USP33: variants seen among roughly 807,000 people sequenced by gnomAD.
The protein encoded by USP33 is ubiquitin carboxyl-terminal hydrolase 33.
Under a neutral mutation model 124.2 loss-of-function variants are expected in USP33, and 46 were observed. The observed-to-expected ratio is 0.37, with a 90% CI of 0.29 to 0.47. The LOEUF is 0.47. Among genes scored for constraint, USP33 ranks in the 20% least tolerant of loss-of-function variants. USP33 has a pLI of 0.99. For missense variants in USP33, 851 were observed against 1,070.6 expected (o/e 0.79, Z 2.86); for synonymous variants, 350 against 352.3 (o/e 0.99, Z 0.07).
intron 7 of USP33, among the ~76,000 whole-genome samples, chr1:77,733,350 G>A (rs1407572280): frequency 6.6e-6 from 1 of 150,978 alleles, no homozygotes; most frequent in Non-Finnish European, 1.5e-5. Context: ...CCAAAATCGT[G>A]CCACTGCACT....
At chr1:77,743,752 G>GA (rs1277019875) in intron 1 of USP33, among the ~76,000 whole-genome samples, 1 of 152,138 alleles carries the variant, frequency 6.6e-6, no homozygotes. Flanking sequence ...CATAATAGAG[G>GA]AAATAATGCA....
chr1:77,701,308 T>C, intron 22 of USP33, 61 bp downstream of exon 22: 1 of 1,219,130 alleles, frequency 8.2e-7, no homozygotes, highest in Non-Finnish European at 1.2e-6. Context: ...ATTCAAGAAA[T>C]ACTTGTCAAA....
At chr1:77,730,549 C>G in intron 8 of USP33, 69 bp downstream of exon 8, 1 of 1,206,616 alleles carries the variant, frequency 8.3e-7, no homozygotes, top group South Asian at 2.2e-5. Flanking sequence ...AATGGACCTG[C>G]AACCTTTAAA....
At chr1:77,719,750 G>A (rs1676339488) in intron 15 of USP33, among the ~76,000 whole-genome samples, 1 of 151,616 alleles carries the variant, frequency 6.6e-6, no homozygotes, top group Non-Finnish European at 1.5e-5. Context: ...CTACTCAAGA[G>A]GCTGAGGCAG....
chr1:77,719,942 A>G (rs1179995277), intron 15 of USP33, among the ~76,000 whole-genome samples: 1 of 151,860 alleles, frequency 6.6e-6, no homozygotes, highest in African/African-American at 2.4e-5. Flanking sequence ...TTGGCAAATC[A>G]TGCAAGCCAA....
chr1:77,703,992 A>G (rs1221665655), intron 21 of USP33, among the ~76,000 whole-genome samples: 1 of 152,110 alleles, frequency 6.6e-6, no homozygotes, highest in African/African-American at 2.4e-5. Context: ...ACACGCCTAT[A>G]GTCTCAGCTA....
chr1:77,720,794 A>G (rs1281042698), intron 15 of USP33, among the ~76,000 whole-genome samples: 2 of 152,256 alleles, frequency 1.3e-5, no homozygotes, highest in Non-Finnish European at 1.5e-5. Flanking sequence ...TTAACAGCAG[A>G]TAACATCGAA....
At chr1:77,733,171 A>T (rs1265316083) in intron 7 of USP33, among the ~76,000 whole-genome samples, 1 of 152,132 alleles carries the variant, frequency 6.6e-6, no homozygotes, top group East Asian at 1.9e-4. Flanking sequence ...AGGCATGCGA[A>T]TCACTTGAAC....
At chr1:77,713,557 CTT>C (rs1192112747) in intron 19 of USP33, 2,067 of 144,862 alleles carry the variant, frequency 0.014, no homozygotes, top group South Asian at 0.031. Context: ...GCTAACTTTT[CTT>C]TTTTTTTTTT....
chr1:77,731,414 G>GA (rs1248723305), intron 7 of USP33, among the ~76,000 whole-genome samples: 1 of 152,148 alleles, frequency 6.6e-6, no homozygotes, highest in Non-Finnish European at 1.5e-5. Flanking sequence ...TAGCTTGAGG[G>GA]AATCTCCATA....
rs576826866 is a variant in USP33, at chr1:77,755,329, C to T, written c.-52+4314G>A. On this transcript the variant is annotated intron_variant, in intron 1 of 23. Coordinates refer to ENST00000370794, the MANE Select transcript of USP33 (RefSeq NM_201624.3). ...AAATTATCAATTCTTTTATTGTTTA[C>T]CAGACTATAATATTGATTTTAAAAC... is the stretch of plus-strand genomic sequence containing the variant. 8.5e-5 allele frequency among the ~76,000 whole-genome samples: 13 copies of T among 152,276 alleles called. No homozygotes were observed. The South Asian group carries it at 2.5e-3, about 29-fold the overall frequency.
At chr1:77,712,006 G>A (rs1675317720) in intron 20 of USP33, 151 bp from the exon 21 acceptor site, 1 of 724,200 alleles carries the variant, frequency 1.4e-6, no homozygotes, top group Non-Finnish European at 2.2e-6. Context: ...TTGTTATTAT[G>A]TTTATTAAGG....
In USP33 at chr1:77,723,433, T is replaced by C; in HGVS notation, c.1287A>G (p.Ala429=). The change falls in exon 12 of 24, where the codon GCA becomes GCG. Residue 429 remains alanine (A), a synonymous_variant. Coordinates refer to ENST00000370794, the MANE Select transcript of USP33 (RefSeq NM_201624.3). ...LAPPHKKAQS[A]SPKRKKQHKK... ...TGTGCTGTTTTTTTCTCTTTGGAGA[T>C]GCAGACTGAGCTAGGATTGAAAAAC... 6.2e-7 allele frequency: 1 copy of C among 1,608,474 alleles called. No homozygotes were observed. The highest frequency in any genetic ancestry group is 1.1e-5 in the South Asian group (1 of 90,304).
intron 22 of USP33, among the ~76,000 whole-genome samples, chr1:77,700,330 C>T (rs1411766643): frequency 6.6e-6 from 1 of 152,146 alleles, no homozygotes; most frequent in Non-Finnish European, 1.5e-5. Context: ...CCAGCCTGGA[C>T]AATACAGAGA....
intron 7 of USP33, among the ~76,000 whole-genome samples, chr1:77,732,734 C>A (rs1421014450): frequency 6.6e-6 from 1 of 151,878 alleles, no homozygotes; most frequent in African/African-American, 2.4e-5. Context: ...CTCTCCCCAT[C>A]CTTTCAAACA....
intron 1 of USP33, among the ~76,000 whole-genome samples, chr1:77,744,472 C>T (rs747080669): frequency 5.3e-5 from 8 of 152,180 alleles, no homozygotes; most frequent in Non-Finnish European, 1.2e-4. Context: ...AATTTAAACT[C>T]AGCACAAAAC....
At chr1:77,749,481 G>A (rs1021241724) in intron 1 of USP33, among the ~76,000 whole-genome samples, 2 of 151,664 alleles carry the variant, frequency 1.3e-5, no homozygotes, top group African/African-American at 2.4e-5. Flanking sequence ...TCCCAGGTTC[G>A]TACGATTCTC....
At chr1:77,717,490 CAAA>C (rs575507467) in intron 17 of USP33, 2 of 107,820 alleles carry the variant, frequency 1.9e-5, no homozygotes, top group East Asian at 2.6e-4. Flanking sequence ...ACTCTGTCTC[CAAA>C]AAAAAAAAAA....
chr1:77,740,730 C>T (rs1260590704), intron 4 of USP33, 147 bp downstream of exon 4: 9 of 647,426 alleles, frequency 1.4e-5, no homozygotes, highest in Non-Finnish European at 2.2e-5. Context: ...CAATTCCCTT[C>T]CCCATCCTTC....
Sources: allele counts gnomAD v4.1 joint callset (sites outside exome capture counted in the v4.1 genomes callset), GRCh38; gene constraint gnomAD v4.1.1; transcripts MANE v1.5; gene names NCBI Gene and HGNC (gene_info 2026-07-23, HGNC 2026-07-21).